Variants in GABRG3 observed in about 807,000 individuals in gnomAD.
GABRG3 encodes gamma-aminobutyric acid receptor subunit gamma-3.
In GABRG3, 25 loss-of-function variants were observed where a neutral mutation model predicts 48.8. The observed-to-expected ratio is 0.51, with a 90% CI of 0.37 to 0.72. The LOEUF (loss-of-function observed/expected upper bound fraction) is 0.72. Ranked by LOEUF, GABRG3 falls within the 30% of genes least tolerant of loss-of-function variation. The pLI is 0.00. For synonymous variants in GABRG3, 227 were observed against 217.6 expected (o/e 1.04, Z -0.38); for missense variants, 394 against 577.9 (o/e 0.68, Z 3.26).
At chr15:27,093,448 G>C (rs930533561) in intron 3 of GABRG3, among the ~76,000 whole-genome samples, 1 of 152,172 alleles carries the variant, frequency 6.6e-6, no homozygotes. Context: ...CGTAAGTACT[G>C]TTTGTTATGA....
chr15:27,001,520 A>G (rs1479363079), intron 2 of GABRG3, among the ~76,000 whole-genome samples: 1 of 152,212 alleles, frequency 6.6e-6, no homozygotes, highest in Admixed American at 6.5e-5. Context: ...TGGATGTTGA[A>G]TTTCTTCTAG....
intron 5 of GABRG3, among the ~76,000 whole-genome samples, chr15:27,443,360 G>C (rs184590372): frequency 6.6e-6 from 1 of 152,180 alleles, no homozygotes. Context: ...ATTTAGTTAG[G>C]TCTTCTTTAA....
chr15:27,232,483 T>C (rs1427913330), intron 3 of GABRG3, among the ~76,000 whole-genome samples: 1 of 152,192 alleles, frequency 6.6e-6, no homozygotes, highest in East Asian at 1.9e-4. Context: ...AAAGTTAGCA[T>C]GTGGCCAACT....
At chr15:27,065,344 T>C (rs926290868) in intron 3 of GABRG3, among the ~76,000 whole-genome samples, 8 of 152,242 alleles carry the variant, frequency 5.3e-5, no homozygotes, top group African/African-American at 1.9e-4. Flanking sequence ...CAGTCATCTT[T>C]ATGTCTAAAA....
chr15:27,323,621 G>T (rs1425850439), intron 3 of GABRG3, among the ~76,000 whole-genome samples: 1 of 152,158 alleles, frequency 6.6e-6, no homozygotes, highest in Non-Finnish European at 1.5e-5. Context: ...AGGATGGAGG[G>T]AAGGCAGCTG....
intron 5 of GABRG3, among the ~76,000 whole-genome samples, chr15:27,465,152 A>AG (rs993731515): frequency 2.0e-5 from 3 of 152,256 alleles, no homozygotes; most frequent in South Asian, 2.1e-4. Context: ...CTGCTGGTGG[A>AG]GGGGGGTCTC....
At chr15:27,133,778 A>G (rs1046372907) in intron 3 of GABRG3, among the ~76,000 whole-genome samples, 39 of 152,318 alleles carry the variant, frequency 2.6e-4, no homozygotes, top group African/African-American at 8.9e-4. Flanking sequence ...TGCAAATGCA[A>G]TTGGGCTGTT....
intron 5 of GABRG3, among the ~76,000 whole-genome samples, chr15:27,391,502 C>G (rs1319910856): frequency 6.6e-6 from 1 of 152,008 alleles, no homozygotes; most frequent in African/African-American, 2.4e-5. Context: ...TGTTAGAATA[C>G]CTACTTACTA....
At chr15:27,358,465 G>C (rs1001386386) in intron 5 of GABRG3, among the ~76,000 whole-genome samples, 1 of 152,002 alleles carries the variant, frequency 6.6e-6, no homozygotes, top group African/African-American at 2.4e-5. Context: ...AGACGGGGAG[G>C]GAAGTGCAGA....
chr15:27,324,741 T>C (rs1340748638), intron 3 of GABRG3, among the ~76,000 whole-genome samples: 2 of 152,202 alleles, frequency 1.3e-5, no homozygotes, highest in African/African-American at 2.4e-5. Flanking sequence ...CATTCAGAGT[T>C]CTTTCTCTGT....
At chr15:27,306,605 TTA>T (rs1233582693) in intron 3 of GABRG3, among the ~76,000 whole-genome samples, 1 of 129,276 alleles carries the variant, frequency 7.7e-6, no homozygotes, top group Admixed American at 8.1e-5. Context: ...AAACATATGT[TTA>T]TATATAAACA....
chr15:27,353,076 C>T (rs890197220), intron 5 of GABRG3, among the ~76,000 whole-genome samples: 3 of 152,102 alleles, frequency 2.0e-5, no homozygotes, highest in South Asian at 4.1e-4. Context: ...TGAGAATTGT[C>T]CTTGATGTTT....
chr15:27,242,734 A>G (rs1226337912), intron 3 of GABRG3, among the ~76,000 whole-genome samples: 2 of 152,214 alleles, frequency 1.3e-5, no homozygotes, highest in African/African-American at 4.8e-5. Flanking sequence ...GCATTTGCTA[A>G]AGAGTGGAGA....
chr15:27,414,208 C>G (rs934815410), intron 5 of GABRG3, among the ~76,000 whole-genome samples: 2 of 152,268 alleles, frequency 1.3e-5, no homozygotes, highest in Admixed American at 6.5e-5. Context: ...CTCTTCTCTC[C>G]CCTTGGGATC....
At chr15:27,076,829 A>G (rs1896918458) in intron 3 of GABRG3, among the ~76,000 whole-genome samples, 1 of 152,328 alleles carries the variant, frequency 6.6e-6, no homozygotes, top group South Asian at 2.1e-4. Flanking sequence ...AGGAGGGAGC[A>G]TGGCCCTACC....
At chr15:27,020,712 C>T (rs541824457) in intron 2 of GABRG3, among the ~76,000 whole-genome samples, 7 of 152,268 alleles carry the variant, frequency 4.6e-5, no homozygotes, top group Admixed American at 3.9e-4. Context: ...CCACCGCGCC[C>T]GGCCTGTTGT....
intron 5 of GABRG3, among the ~76,000 whole-genome samples, chr15:27,388,458 C>T (rs1327641438): frequency 1.3e-5 from 2 of 150,734 alleles, no homozygotes; most frequent in East Asian, 2.0e-4. Flanking sequence ...GTGATTCAAA[C>T]ATTGCTGTTG....
At chr15:27,407,215 C>T (rs79848664) in intron 5 of GABRG3, among the ~76,000 whole-genome samples, 6,311 of 152,148 alleles carry the variant, frequency 0.041, 172 homozygotes, top group Middle Eastern at 0.099. Context: ...TGTGAGCCAC[C>T]GCGCTCGGCT....
chr15:27,220,695 T>C (rs12324555), intron 3 of GABRG3, among the ~76,000 whole-genome samples: 2,624 of 152,304 alleles, frequency 0.017, 89 homozygotes, highest in African/African-American at 0.061. Context: ...GTTTGGAGAC[T>C]GTTGCTTAAG....
Sources: allele counts gnomAD v4.1 joint callset (sites outside exome capture counted in the v4.1 genomes callset), GRCh38; gene constraint gnomAD v4.1.1; transcripts MANE v1.5; gene names NCBI Gene and HGNC (gene_info 2026-07-23, HGNC 2026-07-21).